The following MACROD2 variants were observed in gnomAD, a reference collection of about 807,000 sequenced individuals.
MACROD2 encodes the protein ADP-ribose glycohydrolase MACROD2.
Under a neutral mutation model 70.4 loss-of-function variants are expected in MACROD2, and 36 were observed. The observed-to-expected ratio is 0.51, with a 90% confidence interval of 0.39 to 0.68. MACROD2 has a LOEUF of 0.68. Ranked by LOEUF, MACROD2 falls within the 30% of genes least tolerant of loss-of-function variation. The probability of loss-of-function intolerance (pLI) is 0.00; values close to 1 mark genes in which losing one functional copy is unlikely to be tolerated. For synonymous variants in MACROD2, 172 were observed against 178.8 expected (o/e 0.96, Z 0.30); for missense variants, 496 against 538.4 (o/e 0.92, Z 0.78).
At chr20:14,485,524 AC>A (rs1441439778) in intron 3 of MACROD2, among the ~76,000 whole-genome samples, 1 of 151,982 alleles carries the variant, frequency 6.6e-6, no homozygotes, top group African/African-American at 2.4e-5. Flanking sequence ...ACACGGTGAA[AC>A]CCCGTCTCTA....
At chr20:14,411,744 C>A (rs952369977) in intron 3 of MACROD2, among the ~76,000 whole-genome samples, 1 of 151,996 alleles carries the variant, frequency 6.6e-6, no homozygotes, top group Non-Finnish European at 1.5e-5. Context: ...CAAGCTGCCC[C>A]CTACCAGCAC....
At chr20:15,964,137 C>A (rs887670743) in intron 12 of MACROD2, among the ~76,000 whole-genome samples, 2 of 152,134 alleles carry the variant, frequency 1.3e-5, no homozygotes, top group South Asian at 4.1e-4. Context: ...CAAGGTGCTG[C>A]AAGAGTTGTA....
At chr20:15,205,080 T>C (rs2076690057) in intron 5 of MACROD2, among the ~76,000 whole-genome samples, 1 of 152,144 alleles carries the variant, frequency 6.6e-6, no homozygotes, top group Non-Finnish European at 1.5e-5. Flanking sequence ...TCAAACACTG[T>C]ACTTTAATCG....
intron 8 of MACROD2, among the ~76,000 whole-genome samples, chr20:15,656,892 GA>G (rs990925291): frequency 2.1e-4 from 31 of 149,970 alleles, no homozygotes; most frequent in East Asian, 9.7e-4. Flanking sequence ...AAAAGTATTA[GA>G]AAAAAAAAGA....
At chr20:14,729,575 G>A (rs1345260625) in intron 5 of MACROD2, among the ~76,000 whole-genome samples, 1 of 151,966 alleles carries the variant, frequency 6.6e-6, no homozygotes, top group Non-Finnish European at 1.5e-5. Context: ...AAGGTGAGGA[G>A]TGTTTGCAAC....
intron 13 of MACROD2, among the ~76,000 whole-genome samples, chr20:15,972,495 T>C: frequency 6.6e-6 from 1 of 151,802 alleles, no homozygotes; most frequent in Non-Finnish European, 1.5e-5. Flanking sequence ...AAATGACAAG[T>C]TACATATAGA....
chr20:15,182,236 G>A (rs911204446), intron 5 of MACROD2, among the ~76,000 whole-genome samples: 14 of 152,180 alleles, frequency 9.2e-5, no homozygotes, highest in Non-Finnish European at 1.8e-4. Flanking sequence ...TTCATTTAGT[G>A]GGGGATAAGA....
At chr20:15,905,697 G>A (rs1246231902) in intron 10 of MACROD2, among the ~76,000 whole-genome samples, 3 of 152,128 alleles carry the variant, frequency 2.0e-5, no homozygotes, top group South Asian at 2.1e-4. Context: ...TTCATGTTAC[G>A]ATTTTGTAGT....
intron 3 of MACROD2, among the ~76,000 whole-genome samples, chr20:14,442,704 A>G (rs2084137723): frequency 6.6e-6 from 1 of 152,066 alleles, no homozygotes; most frequent in South Asian, 2.1e-4. Flanking sequence ...CAAGCAGTCA[A>G]CAGACTATAA....
chr20:15,209,013 C>T (rs1235118781), intron 5 of MACROD2, among the ~76,000 whole-genome samples: 1 of 151,920 alleles, frequency 6.6e-6, no homozygotes, highest in Non-Finnish European at 1.5e-5. Context: ...GGGATGAAGC[C>T]TTGGCTTTGT....
At position 15,120,505 on chromosome 20, in the gene MACROD2, G is replaced by T. The variant is rs1907579852; in HGVS notation, c.419-109435G>T. On this transcript the variant is annotated intron_variant, in intron 5 of 17. Coordinates refer to ENST00000684519, the MANE Select transcript of MACROD2 (RefSeq NM_001351661.2). ...CCAGCACTCTACATGCAGCCATCAT[G>T]AATTATCTTGTGTGATGTGCAATAT... Among the ~76,000 whole-genome samples, 3 of 152,268 alleles carry T rather than the reference G, an allele frequency of 2.0e-5. No homozygotes were observed. In the South Asian group the frequency reaches 6.2e-4, roughly 32 times the overall value.
At chr20:14,397,610 A>AT (rs1185666883) in intron 3 of MACROD2, among the ~76,000 whole-genome samples, 1 of 151,938 alleles carries the variant, frequency 6.6e-6, no homozygotes, top group Non-Finnish European at 1.5e-5. Flanking sequence ...TTTCCCTTTC[A>AT]TTTTTAGTTG....
At chr20:15,996,959 AT>A (rs1239370543) in intron 15 of MACROD2, among the ~76,000 whole-genome samples, 2 of 152,178 alleles carry the variant, frequency 1.3e-5, no homozygotes, top group Admixed American at 1.3e-4. Flanking sequence ...GAAAGAGACT[AT>A]CCTTTCACTG....
In MACROD2 at chr20:15,664,460, A is replaced by T. The variant is rs138895602; in HGVS notation, c.645+164613A>T. Among the ~76,000 whole-genome samples, 86 of 152,332 alleles carry T rather than the reference A, an allele frequency of 5.6e-4. 1 individual carries two copies. The highest frequency in any genetic ancestry group is 2.0e-3 in the African/African-American group (82 of 41,572). ...TTACTTTGAATTTAGTCAGTGTATC[A>T]ATCAGCTATTTTTGCGTAACACCCC... On this transcript the variant is annotated intron_variant, in intron 8 of 17. Transcript: ENST00000684519.
intron 5 of MACROD2, among the ~76,000 whole-genome samples, chr20:15,209,039 G>A (rs2076736812): frequency 6.6e-6 from 1 of 152,124 alleles, no homozygotes; most frequent in Non-Finnish European, 1.5e-5. Context: ...CTGTATGGTT[G>A]GAATAGGATA....
At chr20:14,121,888 C>G (rs1895058906) in intron 3 of MACROD2, among the ~76,000 whole-genome samples, 1 of 151,920 alleles carries the variant, frequency 6.6e-6, no homozygotes, top group Admixed American at 6.6e-5. Context: ...AATTTTATAC[C>G]TCTTTTATAT....
chr20:15,647,779 G>A (rs773385688), intron 8 of MACROD2, among the ~76,000 whole-genome samples: 3 of 151,370 alleles, frequency 2.0e-5, no homozygotes, highest in Non-Finnish European at 2.9e-5. Flanking sequence ...GAGTGCAGTG[G>A]TGCAATCTTG....
chr20:15,476,161 G>A (rs1045104150), intron 7 of MACROD2, among the ~76,000 whole-genome samples: 11 of 152,076 alleles, frequency 7.2e-5, no homozygotes, highest in African/African-American at 2.7e-4. Flanking sequence ...ATACTTTTTC[G>A]AATCCCAAAT....
intron 5 of MACROD2, among the ~76,000 whole-genome samples, chr20:14,851,298 T>G (rs936260310): frequency 1.4e-4 from 22 of 152,276 alleles, no homozygotes; most frequent in African/African-American, 4.8e-4. Context: ...CTCTTTCATT[T>G]GTAACCTCCA....
Sources: allele counts gnomAD v4.1 joint callset (sites outside exome capture counted in the v4.1 genomes callset), GRCh38; gene constraint gnomAD v4.1.1; transcripts MANE v1.5; gene names NCBI Gene and HGNC (gene_info 2026-07-23, HGNC 2026-07-21).